The following SLC25A25 variants were observed in gnomAD, a reference collection of about 807,000 sequenced individuals.
SLC25A25 encodes the protein mitochondrial adenyl nucleotide antiporter SLC25A25.
SLC25A25 carries 32 observed loss-of-function variants against 57.7 expected under a neutral mutation model. The ratio of observed to expected loss-of-function variants is 0.55; its 90% CI spans 0.42 to 0.74. The LOEUF (loss-of-function observed/expected upper bound fraction) is 0.74, where lower values mean the gene tolerates loss of function less well. SLC25A25 is among the 30% of genes least tolerant of loss of function. The probability of loss-of-function intolerance (pLI) is 0.00; values close to 1 mark genes in which losing one functional copy is unlikely to be tolerated. For synonymous variants in SLC25A25, 306 were observed against 291.2 expected (o/e 1.05, Z -0.52); for missense variants, 556 against 701.3 (o/e 0.79, Z 2.34).
chr9:128,097,321 C>T (rs1386303270), intron 1 of SLC25A25, among the ~76,000 whole-genome samples: 3 of 152,212 alleles, frequency 2.0e-5, no homozygotes, highest in Non-Finnish European at 2.9e-5. Context: ...CTGAAAGGGT[C>T]GTTCTCGAGC....
Position 128,107,266 on chromosome 9 carries a change from T to C in SLC25A25, c.1370T>C (p.Ile457Thr). Residue 457 changes from isoleucine (I) to threonine (T), a missense_variant, in exon 11 of 11, where the codon ATT becomes ACT. This residue lies in a region of SLC25A25 where 294 missense variants were observed against 389.6 expected (regional missense o/e 0.75). Transcript: ENST00000373069. ...GGTGGCCTCCATCCTGCAGCCTCTA[T>C]TGAGGGCGCTCCGGAGGTGACCATG... Reference protein sequence around the residue: ...VRTRMQAQASIEGAPEVTMSS... With the variant: ...VRTRMQAQASTEGAPEVTMSS... The C allele has an allele frequency of 6.2e-7, 1 of 1,603,310 alleles. No individual in the cohort carries two copies. Among genetic ancestry groups the C allele is most frequent in the Non-Finnish European group, 8.5e-7 (1 of 1,172,442 alleles).
At chr9:128,083,451 G>C (rs1833200808) in intron 1 of SLC25A25, among the ~76,000 whole-genome samples, 2 of 150,688 alleles carry the variant, frequency 1.3e-5, no homozygotes, top group South Asian at 4.2e-4. Flanking sequence ...TTTCTAAAAA[G>C]TGTTACTACT....
At chr9:128,076,488 CAG>C (rs1459569661) in intron 1 of SLC25A25, among the ~76,000 whole-genome samples, 1 of 142,742 alleles carries the variant, frequency 7.0e-6, no homozygotes, top group African/African-American at 2.7e-5. Context: ...TTTTTTGAGA[CAG>C]AGTCTCTCTC....
intron 1 of SLC25A25, among the ~76,000 whole-genome samples, chr9:128,082,482 G>A (rs1451800808): frequency 6.6e-6 from 1 of 152,130 alleles, no homozygotes; most frequent in Non-Finnish European, 1.5e-5. Flanking sequence ...GTTCATTCCA[G>A]CGGAGACTGA....
At chr9:128,075,182 C>T (rs1832983734) in intron 1 of SLC25A25, among the ~76,000 whole-genome samples, 1 of 152,078 alleles carries the variant, frequency 6.6e-6, no homozygotes, top group Non-Finnish European at 1.5e-5. Flanking sequence ...GTGGCCCATG[C>T]CTGTAGTCTA....
At position 128,095,778 on chromosome 9, in the gene SLC25A25, C is replaced by G. The variant is rs952598495; in HGVS notation, c.262-5318C>G. Reference sequence around the variant, plus strand: ...TGAGCCAAGATCGCGCCACTGCACTCCAGCCTGGGCGACAGAGCAAGACTC... The same window carrying G: ...TGAGCCAAGATCGCGCCACTGCACTGCAGCCTGGGCGACAGAGCAAGACTC... On this transcript the variant is annotated intron_variant, in intron 1 of 10. Coordinates refer to ENST00000373069, the MANE Select transcript of SLC25A25 (RefSeq NM_001330988.2). The surrounding 1 kb of genome is among the most constrained non-coding windows in gnomAD (Gnocchi z 4.4). 3.9e-5 allele frequency among the ~76,000 whole-genome samples: 6 copies of G among 152,094 alleles called. No homozygotes were observed. Among genetic ancestry groups the G allele is most frequent in the Admixed American group, 3.9e-4 (6 of 15,276 alleles).
chr9:128,106,887 C>T, intron 9 of SLC25A25, 142 bp from the exon 10 acceptor site: 1 of 1,002,366 alleles, frequency 1.0e-6, no homozygotes, highest in Non-Finnish European at 1.5e-6. Flanking sequence ...ACAGCAGAAA[C>T]AGGGCAGCCA....
Position 128,108,546 on chromosome 9 carries a change from C to CTAA in SLC25A25, c.*1102_*1103insTAA. On this transcript the variant is annotated 3_prime_UTR_variant, in exon 11 of 11. Coordinates refer to ENST00000373069, the MANE Select transcript of SLC25A25 (RefSeq NM_001330988.2). The stretch of plus-strand genomic sequence containing the variant: ...TGTATTTATTTGAACAGAGTTATGT[C>CTAA]CTAACTATTTTTATAGATTTGTTTA... The CTAA allele has an allele frequency of 3.4e-6, 1 of 297,678 alleles. No homozygotes were observed. Among genetic ancestry groups the CTAA allele is most frequent in the Non-Finnish European group, 6.1e-6 (1 of 162,826 alleles). The allele number at this position is 297,678 out of a possible 1,614,324, so 18.4% of individuals were successfully genotyped here.
intron 1 of SLC25A25, among the ~76,000 whole-genome samples, chr9:128,082,117 C>T (rs558582778): frequency 6.6e-4 from 101 of 152,240 alleles, no homozygotes; most frequent in Non-Finnish European, 7.3e-4. Flanking sequence ...TGGCTTTTCA[C>T]CAGGAGTAAA....
At chr9:128,070,084 A>ATTTT (rs71381724) in intron 1 of SLC25A25, among the ~76,000 whole-genome samples, 497 of 6,360 alleles carry the variant, frequency 0.078, 232 homozygotes, top group Non-Finnish European at 0.14. Context: ...CACCCAGCTA[A>ATTTT]TTTTTTTTTT....
Position 128,095,096 on chromosome 9 carries a change from G to A in SLC25A25, c.262-6000G>A, listed in dbSNP as rs981425750. Among the ~76,000 whole-genome samples, 1 of 152,224 alleles carries A rather than the reference G, an allele frequency of 6.6e-6. No individual in the cohort carries two copies. Among genetic ancestry groups the A allele is most frequent in the Non-Finnish European group, 1.5e-5 (1 of 68,036 alleles). On this transcript the variant is annotated intron_variant, in intron 1 of 10. Coordinates refer to ENST00000373069, the MANE Select transcript of SLC25A25 (RefSeq NM_001330988.2). The surrounding 1 kb of genome is among the most constrained non-coding windows in gnomAD (Gnocchi z 4.4). ...CCTGCTTTAGTTCCTCCATAATCTA[G>A]TTCTCACAGAGGCATTCAGAAGCTG...
chr9:128,083,227 C>CAAA (rs1190331501), intron 1 of SLC25A25, among the ~76,000 whole-genome samples: 25 of 62,882 alleles, frequency 4.0e-4, no homozygotes, highest in African/African-American at 7.9e-4. Flanking sequence ...GACTCCGTCT[C>CAAA]AAAAAAAAAA....
At chr9:128,093,037 A>C (rs978635210) in intron 1 of SLC25A25, among the ~76,000 whole-genome samples, 1 of 152,222 alleles carries the variant, frequency 6.6e-6, no homozygotes, top group Non-Finnish European at 1.5e-5. Flanking sequence ...TCAGAGAAGA[A>C]AAGGAGATTC....
At position 128,101,976 on chromosome 9, in the gene SLC25A25, C is replaced by G; in HGVS notation, c.477-104C>G. 1 of 1,327,270 alleles carries G rather than the reference C, an allele frequency of 7.5e-7. No homozygotes were observed. Among genetic ancestry groups the G allele is most frequent in the Non-Finnish European group, 1.1e-6 (1 of 951,376 alleles). 82.2% of individuals were successfully genotyped at this position (1,327,270 alleles called of 1,614,324 possible). A position where few individuals can be genotyped will look rare whatever the true frequency, so the allele number is the denominator to read the frequency against. On this transcript the variant is annotated intron_variant, in intron 3 of 10. Coordinates refer to ENST00000373069, the MANE Select transcript of SLC25A25 (RefSeq NM_001330988.2). This position sits in a 1 kb window ranked among gnomAD's most constrained non-coding sequence, Gnocchi z 4.9. ...TGTGGCGGGCTCGTCTCGTGCCGTG[C>G]TGTGCCCCTGTCTCTGGGTGTGTGC...
chr9:128,068,439 C>A lies in SLC25A25; in HGVS notation c.120C>A (p.Ile40=). ...TGGGGGACCCCTGCGGCGGCGCTATCTGCGGGGGCCCGGACCACCGGCTGC... is the reference window on the plus strand; with the variant it reads ...TGGGGGACCCCTGCGGCGGCGCTATATGCGGGGGCCCGGACCACCGGCTGC... ...ASVGDPCGGA[I]CGGPDHRLRL... Residue 40 remains isoleucine, a synonymous_variant, in exon 1 of 11, where the codon ATC becomes ATA. Transcript: ENST00000373069. The A allele has an allele frequency of 6.4e-7, 1 of 1,557,808 alleles. No homozygotes were observed.
At chr9:128,078,327 C>T (rs1235404555) in intron 1 of SLC25A25, among the ~76,000 whole-genome samples, 2 of 152,034 alleles carry the variant, frequency 1.3e-5, no homozygotes, top group East Asian at 1.9e-4. Flanking sequence ...CCCTAGTTTG[C>T]TTAGGTGAAA....
At chr9:128,092,166 G>T in intron 1 of SLC25A25, 1 of 1,528,482 alleles carries the variant, frequency 6.5e-7, no homozygotes, top group East Asian at 2.3e-5. Flanking sequence ...AACGAGTGTG[G>T]GGAGGAAGGG....
rs2130777211 is a variant in SLC25A25, at chr9:128,068,464, C to T, written c.145C>T (p.Arg49Cys). The T allele has an allele frequency of 1.3e-6, 2 of 1,556,350 alleles. No homozygotes were observed. Among genetic ancestry groups the T allele is most frequent in the Non-Finnish European group, 1.7e-6 (2 of 1,161,900 alleles). Reference protein sequence around the residue: ...AICGGPDHRLRLWRLFQTLDV... With the variant: ...AICGGPDHRLCLWRLFQTLDV... ...CTGCGGGGGCCCGGACCACCGGCTGCGCCTGTGGAGACTCTTTCAGACGCT... is the reference window on the plus strand; with the variant it reads ...CTGCGGGGGCCCGGACCACCGGCTGTGCCTGTGGAGACTCTTTCAGACGCT... The change falls in exon 1 of 11, where the codon CGC (arginine) becomes TGC (cysteine). Residue 49 changes from arginine (R) to cysteine (C), a missense_variant. Transcript: ENST00000373069.
chr9:128,101,703 G>A lies in SLC25A25; in HGVS notation c.476+307G>A, dbSNP rs1833802339. Among the ~76,000 whole-genome samples the A allele has an allele frequency of 6.6e-6, 1 of 152,028 alleles. No homozygotes were observed. Among genetic ancestry groups the A allele is most frequent in the South Asian group, 2.1e-4 (1 of 4,820 alleles). ...GAGCACCTGTGCGTGTGGAGGGGGCGGGGCGGGGCGGGGGGCTCACACTGC... is the reference window on the plus strand; with the variant it reads ...GAGCACCTGTGCGTGTGGAGGGGGCAGGGCGGGGCGGGGGGCTCACACTGC... On this transcript the variant is annotated intron_variant, in intron 3 of 10. Transcript: ENST00000373069. The surrounding 1 kb of genome is among the most constrained non-coding windows in gnomAD (Gnocchi z 4.9).
Sources: gnomAD v4.1 joint callset for allele counts (sites outside exome capture counted in the v4.1 genomes callset) on GRCh38, gnomAD v4.1.1 for gene constraint, gnomAD v4.1.1 regional missense constraint, Gnocchi (gnomAD v3.1) non-coding constraint, MANE v1.5 for transcripts, NCBI Gene and HGNC (gene_info 2026-07-23, HGNC 2026-07-21) for gene names.